GALNT13: variants seen among roughly 807,000 people sequenced by gnomAD.
GALNT13 encodes the protein polypeptide N-acetylgalactosaminyltransferase 13.
A neutral mutation model predicts 64.2 loss-of-function variants in GALNT13; 28 were observed. The observed-to-expected ratio is 0.44, with a 90% confidence interval of 0.32 to 0.60. GALNT13 has a LOEUF of 0.60. GALNT13 is among the 20% of genes least tolerant of loss of function. The probability of loss-of-function intolerance (pLI) is 0.05; values close to 1 mark genes in which losing one functional copy is unlikely to be tolerated. For missense variants in GALNT13, 577 were observed against 669.8 expected (o/e 0.86, Z 1.53); for synonymous variants, 214 against 224.6 (o/e 0.95, Z 0.42).
chr2:153,879,079 G>T (rs906894295), intron 1 of GALNT13, among the ~76,000 whole-genome samples: 15 of 152,132 alleles, frequency 9.9e-5, no homozygotes, highest in African/African-American at 3.6e-4. Flanking sequence ...ATTCTGAGGT[G>T]CAGTGACATT....
the GALNT13 span, among the ~76,000 whole-genome samples, chr2:153,517,654 G>C: frequency 6.6e-6 from 1 of 152,222 alleles, no homozygotes; most frequent in South Asian, 2.1e-4. Flanking sequence ...AAGTAAATGG[G>C]AGCTACAGAT....
intron 8 of GALNT13, among the ~76,000 whole-genome samples, chr2:154,277,905 T>C (rs956424254): frequency 2.0e-5 from 3 of 152,184 alleles, no homozygotes; most frequent in Non-Finnish European, 4.4e-5. Context: ...TATGGAATTA[T>C]TAGCATTTCT....
chr2:153,184,847 C>T, the GALNT13 span, among the ~76,000 whole-genome samples: 211 of 152,228 alleles, frequency 1.4e-3, 4 homozygotes, highest in African/African-American at 4.9e-3. Context: ...CTTTGATGTG[C>T]TGCTGGATTT....
chr2:153,823,642 G>A, the GALNT13 span, among the ~76,000 whole-genome samples: 2 of 152,158 alleles, frequency 1.3e-5, no homozygotes, highest in African/African-American at 4.8e-5. Flanking sequence ...ATACTTAAAT[G>A]TAAGACATAC....
intron 2 of GALNT13, among the ~76,000 whole-genome samples, chr2:153,905,747 T>G (rs1451927794): frequency 6.6e-6 from 1 of 152,040 alleles, no homozygotes; most frequent in Non-Finnish European, 1.5e-5. Context: ...CTTTTTCCCT[T>G]TATTATTTTC....
intron 2 of GALNT13, among the ~76,000 whole-genome samples, chr2:153,942,478 A>G (rs1343683707): frequency 2.0e-5 from 3 of 152,126 alleles, no homozygotes; most frequent in African/African-American, 7.2e-5. Flanking sequence ...TCATATCTCA[A>G]ATTTAGAAAA....
chr2:153,391,213 A>G, the GALNT13 span, among the ~76,000 whole-genome samples: 2 of 152,066 alleles, frequency 1.3e-5, no homozygotes, highest in African/African-American at 4.8e-5. Context: ...CAGGAGTGAC[A>G]TGATCTCTCT....
chr2:153,641,173 CT>C, the GALNT13 span, among the ~76,000 whole-genome samples: 1 of 152,056 alleles, frequency 6.6e-6, no homozygotes, highest in Non-Finnish European at 1.5e-5. Flanking sequence ...TAAATCTCTC[CT>C]TAATTCTATG....
At chr2:153,755,417 A>G in the GALNT13 span, among the ~76,000 whole-genome samples, 1 of 152,012 alleles carries the variant, frequency 6.6e-6, no homozygotes, top group South Asian at 2.1e-4. Context: ...CAACACTGTT[A>G]TCTTTCATCT....
At chr2:153,951,273 G>A (rs768860450) in intron 3 of GALNT13, among the ~76,000 whole-genome samples, 37 of 152,130 alleles carry the variant, frequency 2.4e-4, no homozygotes, top group Non-Finnish European at 4.4e-4. Flanking sequence ...AAAGTGGGAA[G>A]CCACTGAATG....
At chr2:153,531,737 C>A in the GALNT13 span, among the ~76,000 whole-genome samples, 4 of 152,024 alleles carry the variant, frequency 2.6e-5, no homozygotes, top group Non-Finnish European at 5.9e-5. Context: ...TTTGAAGATA[C>A]AATGAGGATA....
the GALNT13 span, among the ~76,000 whole-genome samples, chr2:153,169,259 G>T: frequency 1.3e-5 from 2 of 152,214 alleles, no homozygotes; most frequent in Non-Finnish European, 2.9e-5. Context: ...ATTGGTGGAG[G>T]CTGAGGAAAA....
the GALNT13 span, among the ~76,000 whole-genome samples, chr2:153,291,070 TAAAC>T: frequency 2.0e-5 from 3 of 152,168 alleles, no homozygotes; most frequent in Non-Finnish European, 2.9e-5. Context: ...TCTCAAAAAA[TAAAC>T]AAAGTTGATC....
chr2:153,204,333 G>A, the GALNT13 span, among the ~76,000 whole-genome samples: 5 of 152,286 alleles, frequency 3.3e-5, no homozygotes, highest in East Asian at 9.7e-4. Flanking sequence ...TCAAGGTCTA[G>A]GAAATTGGTC....
Position 154,056,759 on chromosome 2 carries a change from C to T in GALNT13, c.143-83578C>T, listed in dbSNP as rs537559527. On this transcript the variant is annotated intron_variant, in intron 3 of 12. Coordinates refer to ENST00000392825, the MANE Select transcript of GALNT13 (RefSeq NM_052917.4). Reference sequence around the variant, plus strand: ...AGAGTTTATATGTATCATGGTGTTCCATGGGTGATAGAGTGCCAAAACAAT... The same window carrying T: ...AGAGTTTATATGTATCATGGTGTTCTATGGGTGATAGAGTGCCAAAACAAT... Among the ~76,000 whole-genome samples the T allele has an allele frequency of 5.3e-5, 8 of 152,094 alleles. No individual in the cohort carries two copies. In the South Asian group the frequency reaches 8.3e-4, roughly 16 times the overall value.
intron 2 of GALNT13, among the ~76,000 whole-genome samples, chr2:153,907,628 C>T (rs1354529691): frequency 6.6e-6 from 1 of 151,860 alleles, no homozygotes; most frequent in Non-Finnish European, 1.5e-5. Flanking sequence ...ATCACTTAGC[C>T]TCCACTTACA....
the GALNT13 span, among the ~76,000 whole-genome samples, chr2:153,199,738 A>C: frequency 6.6e-6 from 1 of 152,176 alleles, no homozygotes; most frequent in African/African-American, 2.4e-5. Context: ...CAAGACAGTA[A>C]ATTTACCAGA....
chr2:154,438,515 G>C (rs943506239), intron 11 of GALNT13, 77 bp from the exon 12 acceptor site: 5 of 1,035,980 alleles, frequency 4.8e-6, no homozygotes, highest in Non-Finnish European at 5.7e-6. Flanking sequence ...TGATACGAAA[G>C]CTTCCCTGGA....
At chr2:153,222,332 T>TGGGGGGGGGGGGGGGGGGGGGGGGGGG in the GALNT13 span, among the ~76,000 whole-genome samples, 9 of 103,788 alleles carry the variant, frequency 8.7e-5, no homozygotes, top group Non-Finnish European at 1.2e-4. Context: ...GGGGGTGGGG[T>TGGGGGGGGGGGGGGGGGGGGGGGGGGG]GGGGGGGGGG....
Sources: gnomAD v4.1 joint callset for allele counts (sites outside exome capture counted in the v4.1 genomes callset) on GRCh38, gnomAD v4.1.1 for gene constraint, MANE v1.5 for transcripts, NCBI Gene and HGNC (gene_info 2026-07-23, HGNC 2026-07-21) for gene names.